BNC2: variants seen among roughly 807,000 people sequenced by gnomAD.
BNC2 encodes basonuclin zinc finger protein 2.
A neutral mutation model predicts 76.3 loss-of-function variants in BNC2; 20 were observed. That is an observed-to-expected ratio of 0.26 (90% confidence interval 0.18 to 0.38). BNC2 has a LOEUF of 0.38. Ranked by LOEUF, BNC2 falls within the 10% of genes least tolerant of loss-of-function variation. The pLI is 1.00. For missense variants in BNC2, 1,382 were observed against 1,399.8 expected, an observed-to-expected ratio of 0.99 and a Z score of 0.20; for synonymous variants, 582 against 514.8, an observed-to-expected ratio of 1.13 and a Z score of -1.77.
At chr9:16,527,395 CCT>C (rs1270814770) in intron 5 of BNC2, among the ~76,000 whole-genome samples, 1 of 152,186 alleles carries the variant, frequency 6.6e-6, no homozygotes, top group African/African-American at 2.4e-5. Flanking sequence ...CCTGTCTACC[CCT>C]GTGGCACTGT....
intron 1 of BNC2, among the ~76,000 whole-genome samples, chr9:16,797,454 A>G (rs1431688335): frequency 6.6e-6 from 1 of 152,184 alleles, no homozygotes; most frequent in Non-Finnish European, 1.5e-5. Context: ...ATGCCAGTGA[A>G]TCTCATTATG....
At chr9:16,721,305 A>G (rs1200454997) in intron 3 of BNC2, among the ~76,000 whole-genome samples, 1 of 152,010 alleles carries the variant, frequency 6.6e-6, no homozygotes, top group Non-Finnish European at 1.5e-5. Flanking sequence ...GTTGTTCCTG[A>G]ATTATGTCTC....
chr9:16,657,224 T>C (rs76216694), intron 3 of BNC2, among the ~76,000 whole-genome samples: 1 of 152,092 alleles, frequency 6.6e-6, no homozygotes, highest in African/African-American at 2.4e-5. Flanking sequence ...AAACCCAGTA[T>C]AGAATACCTG....
chr9:16,530,236 C>T (rs375058329), intron 5 of BNC2, among the ~76,000 whole-genome samples: 1 of 152,044 alleles, frequency 6.6e-6, no homozygotes, highest in South Asian at 2.1e-4. Context: ...AGCGGCATTA[C>T]TGTTCACCCT....
intron 5 of BNC2, among the ~76,000 whole-genome samples, chr9:16,512,496 A>G (rs890281864): frequency 6.6e-6 from 1 of 152,150 alleles, no homozygotes; most frequent in Non-Finnish European, 1.5e-5. Flanking sequence ...ACACACACAC[A>G]CACACACACA....
chr9:16,676,725 G>A (rs894617088), intron 3 of BNC2, among the ~76,000 whole-genome samples: 3 of 152,112 alleles, frequency 2.0e-5, no homozygotes, highest in South Asian at 2.1e-4. Context: ...CCGCAGCAGC[G>A]GAATAAAGAA....
intron 1 of BNC2, among the ~76,000 whole-genome samples, chr9:16,757,043 T>C (rs5015540): frequency 0.85 from 127,666 of 150,708 alleles, 54,630 homozygotes; most frequent in Non-Finnish European, 0.91. Context: ...ATTCCTAAAG[T>C]GCCCTGTACT....
intron 1 of BNC2, among the ~76,000 whole-genome samples, chr9:16,817,307 T>G (rs1563956848): frequency 6.6e-6 from 1 of 152,194 alleles, no homozygotes; most frequent in Non-Finnish European, 1.5e-5. Context: ...TGTCCCACCC[T>G]TTTTAGAGGC....
intron 3 of BNC2, chr9:16,727,590 C>CTTTTT: frequency 1.7e-6 from 1 of 572,746 alleles, no homozygotes; most frequent in Non-Finnish European, 3.1e-6. Context: ...ATCCTTTCCC[C>CTTTTT]TTTTTCTTTT....
intron 5 of BNC2, among the ~76,000 whole-genome samples, chr9:16,520,124 G>A (rs1029492435): frequency 3.9e-5 from 6 of 152,164 alleles, no homozygotes; most frequent in Admixed American, 3.3e-4. Context: ...AAATGCACAC[G>A]CACAGTAGTT....
At chr9:16,760,212 G>A (rs1825513930) in intron 1 of BNC2, among the ~76,000 whole-genome samples, 1 of 152,118 alleles carries the variant, frequency 6.6e-6, no homozygotes, top group East Asian at 1.9e-4. Context: ...CAAATTCAAT[G>A]TAACCTCCTC....
chr9:16,577,193 A>T (rs961044048), intron 4 of BNC2, among the ~76,000 whole-genome samples: 1 of 152,192 alleles, frequency 6.6e-6, no homozygotes, highest in African/African-American at 2.4e-5. Flanking sequence ...TAATATTTAT[A>T]TTTAAAATCA....
At chr9:16,664,349 T>C (rs945284166) in intron 3 of BNC2, among the ~76,000 whole-genome samples, 1 of 152,188 alleles carries the variant, frequency 6.6e-6, no homozygotes, top group Non-Finnish European at 1.5e-5. Context: ...TTGCCCAGAA[T>C]GTCTGACTCT....
At chr9:16,538,741 TAGTC>T (rs1818205225) in intron 5 of BNC2, among the ~76,000 whole-genome samples, 2 of 152,208 alleles carry the variant, frequency 1.3e-5, no homozygotes, top group South Asian at 2.1e-4. Flanking sequence ...AAATTTACGT[TAGTC>T]AGTCATTTAA....
Position 16,675,767 on chromosome 9 carries a change from T to C in BNC2, c.330+52030A>G, listed in dbSNP as rs564323170. 4.6e-5 allele frequency among the ~76,000 whole-genome samples: 7 copies of C among 152,250 alleles called. No individual in the cohort carries two copies. The East Asian group carries it at 1.3e-3, about 29-fold the overall frequency. Reference sequence around the variant, plus strand: ...TGTAAAGATATTAGGTTACATAACTTAAGTAATTTCCAGCTTTGGCCGGGC... The same window carrying C: ...TGTAAAGATATTAGGTTACATAACTCAAGTAATTTCCAGCTTTGGCCGGGC... On this transcript the variant is annotated intron_variant, in intron 3 of 6. Coordinates refer to ENST00000380672, the MANE Select transcript of BNC2 (RefSeq NM_017637.6).
intron 1 of BNC2, among the ~76,000 whole-genome samples, chr9:16,855,739 G>A (rs1436390269): frequency 3.3e-5 from 5 of 151,242 alleles, no homozygotes; most frequent in South Asian, 2.1e-4. Flanking sequence ...AAGTAGAGAC[G>A]GGGTTTCACC....
intron 3 of BNC2, among the ~76,000 whole-genome samples, chr9:16,701,463 G>A (rs1320722654): frequency 6.6e-6 from 1 of 152,078 alleles, no homozygotes; most frequent in Non-Finnish European, 1.5e-5. Context: ...AGCATCCCTA[G>A]CACACTATGT....
intron 5 of BNC2, among the ~76,000 whole-genome samples, chr9:16,504,764 T>C (rs1012333067): frequency 2.0e-5 from 3 of 152,290 alleles, no homozygotes; most frequent in African/African-American, 7.2e-5. Context: ...GCAGGATCAC[T>C]TGAGGCCAGC....
At chr9:16,856,585 T>A (rs1283808694) in intron 1 of BNC2, among the ~76,000 whole-genome samples, 3 of 152,164 alleles carry the variant, frequency 2.0e-5, no homozygotes, top group Non-Finnish European at 2.9e-5. Flanking sequence ...TTCGTGTAAA[T>A]ATATTTCTTA....
Sources: allele counts gnomAD v4.1 joint callset (sites outside exome capture counted in the v4.1 genomes callset), GRCh38; gene constraint gnomAD v4.1.1; transcripts MANE v1.5; gene names NCBI Gene and HGNC (gene_info 2026-07-23, HGNC 2026-07-21).